Variants in FGF13 observed in about 807,000 individuals in gnomAD.
The protein encoded by FGF13 is fibroblast growth factor 13.
In FGF13, 2 loss-of-function variants were observed where a neutral mutation model predicts 19.5. The observed-to-expected ratio is 0.10, with a 90% CI of 0.04 to 0.32. The LOEUF (loss-of-function observed/expected upper bound fraction) is 0.32. Ranked by LOEUF, FGF13 falls within the 10% of genes least tolerant of loss-of-function variation. The pLI, the probability that FGF13 is intolerant of heterozygous loss-of-function variation, is 1.00. For missense variants in FGF13, 113 were observed against 192.7 expected (o/e 0.59, Z 2.45); for synonymous variants, 72 against 76.9 (o/e 0.94, Z 0.33).
At chrX:139,073,312 G>T (rs5931566) in intron 1 of FGF13, among the ~76,000 whole-genome samples, 54,705 of 109,142 alleles carry the variant, frequency 0.5, 10,284 homozygotes, top group Middle Eastern at 0.61. Context: ...TGGACAAGTC[G>T]CTTAAGCTTC....
chrX:138,892,002 A>ATATGTGTGTGTGTGTGTGTGTGTG (rs756839627), intron 1 of FGF13, among the ~76,000 whole-genome samples: 21 of 90,382 alleles, frequency 2.3e-4, no homozygotes, highest in African/African-American at 8.0e-4. Context: ...ATATATACAT[A>ATATGTGTGTGTGTGTGTGTGTGTG]TGTGTGTGTG....
chrX:139,057,987 T>A (rs1407172795), intron 1 of FGF13, among the ~76,000 whole-genome samples: 3 of 111,851 alleles, frequency 2.7e-5, no homozygotes, highest in African/African-American at 9.7e-5. Context: ...TCGTGAAGAT[T>A]TGATGAGATA....
At chrX:139,140,364 T>C (rs779770799) in intron 1 of FGF13, among the ~76,000 whole-genome samples, 3 of 111,571 alleles carry the variant, frequency 2.7e-5, no homozygotes, top group South Asian at 3.8e-4. Flanking sequence ...ATTCCTGACA[T>C]GCTACCCATC....
chrX:138,637,675 C>T (rs975284293), intron 3 of FGF13, among the ~76,000 whole-genome samples: 3 of 111,679 alleles, frequency 2.7e-5, no homozygotes, highest in African/African-American at 9.8e-5. Flanking sequence ...TAATATGTGG[C>T]TTCAGACAGC....
intron 3 of FGF13, among the ~76,000 whole-genome samples, chrX:138,834,366 T>G (rs2091096242): frequency 9.0e-6 from 1 of 111,429 alleles, no homozygotes; most frequent in Admixed American, 9.5e-5. Flanking sequence ...TTCTTCCTAA[T>G]TCAGTCTTGG....
At chrX:138,808,086 C>T (rs755191234) in intron 3 of FGF13, among the ~76,000 whole-genome samples, 17 of 111,473 alleles carry the variant, frequency 1.5e-4, no homozygotes, top group African/African-American at 3.3e-4. Flanking sequence ...CTGCACCAAG[C>T]GGACCTAATA....
intron 3 of FGF13, among the ~76,000 whole-genome samples, chrX:138,828,667 G>A (rs1369304343): frequency 1.8e-5 from 2 of 111,213 alleles, no homozygotes; most frequent in East Asian, 5.6e-4. Context: ...TACTAGTAAG[G>A]CTAACATGCC....
intron 1 of FGF13, among the ~76,000 whole-genome samples, chrX:138,993,952 G>C (rs1205121639): frequency 1.3e-4 from 14 of 111,109 alleles, no homozygotes; most frequent in Non-Finnish European, 3.8e-5. Flanking sequence ...CTTTCCTCTT[G>C]GGATCTATGC....
chrX:139,172,272 T>A (rs1327077576), intron 1 of FGF13, among the ~76,000 whole-genome samples: 1 of 112,097 alleles, frequency 8.9e-6, no homozygotes, highest in Admixed American at 9.5e-5. Flanking sequence ...GTGATGAATT[T>A]GATAGCTCTT....
At chrX:139,108,943 ATT>A (rs1343689884) in intron 1 of FGF13, among the ~76,000 whole-genome samples, 1 of 100,308 alleles carries the variant, frequency 1.0e-5, no homozygotes, top group Admixed American at 1.2e-4. Context: ...GCGATGTTTG[ATT>A]TTCTGTTCCT....
At chrX:139,059,741 T>C (rs1350228615) in intron 1 of FGF13, among the ~76,000 whole-genome samples, 3 of 112,697 alleles carry the variant, frequency 2.7e-5, no homozygotes, top group Non-Finnish European at 5.6e-5. Flanking sequence ...TTAGCTACTT[T>C]AAACTGCCAT....
intron 1 of FGF13, among the ~76,000 whole-genome samples, chrX:138,874,441 T>TC (rs1326329600): frequency 1.8e-5 from 2 of 111,048 alleles, no homozygotes; most frequent in African/African-American, 3.3e-5. Context: ...CTCTTTTTTT[T>TC]CCCCAACGGC....
At chrX:139,004,123 G>C (rs1175603077) in intron 1 of FGF13, among the ~76,000 whole-genome samples, 1 of 112,856 alleles carries the variant, frequency 8.9e-6, no homozygotes, top group African/African-American at 3.2e-5. Flanking sequence ...CCCATGGAGT[G>C]GGTGGGAGAC....
At chrX:139,198,932 A>C (rs1306595271) in intron 1 of FGF13, among the ~76,000 whole-genome samples, 1 of 112,565 alleles carries the variant, frequency 8.9e-6, no homozygotes, top group African/African-American at 3.2e-5. Flanking sequence ...GACATTCAAA[A>C]AAGTGATAAA....
chrX:138,784,293 T>A (rs1237252150), intron 3 of FGF13, among the ~76,000 whole-genome samples: 1 of 100,317 alleles, frequency 1.0e-5, no homozygotes, highest in African/African-American at 3.7e-5. Context: ...TGTGCACATG[T>A]ACCCTAAAAC....
At chrX:138,858,082 C>G (rs1175860144) in intron 2 of FGF13, among the ~76,000 whole-genome samples, 1 of 112,049 alleles carries the variant, frequency 8.9e-6, no homozygotes, top group East Asian at 2.8e-4. Context: ...GCTTCTGTTT[C>G]TTTTCTTGGT....
chrX:138,646,486 A>G (rs1166069993), intron 3 of FGF13, among the ~76,000 whole-genome samples: 1 of 111,797 alleles, frequency 8.9e-6, no homozygotes, highest in Non-Finnish European at 1.9e-5. Context: ...GACACAGAGC[A>G]GAAGCCAAGC....
chrX:138,723,451 T>C (rs1013107564), intron 1 of FGF13, among the ~76,000 whole-genome samples: 17 of 111,493 alleles, frequency 1.5e-4, no homozygotes, highest in Non-Finnish European at 7.5e-5. Context: ...GAGATTTATA[T>C]CAATGCCATG....
rs183366332 is a variant in FGF13, at chrX:139,071,066, C to T, written c.-113+132350G>A. 6.8e-4 allele frequency among the ~76,000 whole-genome samples: 75 copies of T among 110,811 alleles called. 1 individual carries two copies. The highest frequency in any genetic ancestry group is 2.0e-3 in the African/African-American group (61 of 30,454). ...ATGAGTGCAGCAAACCACCATGGCACGTATATACCTATGTAACAAACCTGC... is the reference window on the plus strand; with the variant it reads ...ATGAGTGCAGCAAACCACCATGGCATGTATATACCTATGTAACAAACCTGC... On this transcript the variant is annotated intron_variant, in intron 1 of 2. Transcript: ENST00000421460.
Sources: allele counts gnomAD v4.1 joint callset (sites outside exome capture counted in the v4.1 genomes callset), GRCh38; gene constraint gnomAD v4.1.1; transcripts MANE v1.5; gene names NCBI Gene and HGNC (gene_info 2026-07-23, HGNC 2026-07-21).